PCDH9: variants seen among roughly 807,000 people sequenced by gnomAD.
The protein encoded by PCDH9 is protocadherin 9, also known as protocadherin-9.
In PCDH9, 24 loss-of-function variants were observed where a neutral mutation model predicts 70.6. The ratio of observed to expected loss-of-function variants is 0.34; its 90% CI spans 0.25 to 0.48. The LOEUF is 0.48. PCDH9 is among the 20% of genes least tolerant of loss of function. PCDH9 has a pLI of 0.99. For synonymous variants in PCDH9, 562 were observed against 558.5 expected, an observed-to-expected ratio of 1.01 and a Z score of -0.09; for missense variants, 1,281 against 1,503.6, an observed-to-expected ratio of 0.85 and a Z score of 2.45.
At chr13:67,161,354 T>C (rs1335545277) in intron 2 of PCDH9, among the ~76,000 whole-genome samples, 1 of 151,584 alleles carries the variant, frequency 6.6e-6, no homozygotes, top group Non-Finnish European at 1.5e-5. Flanking sequence ...CTCAGAAGAG[T>C]GTCGGGCAGT....
At chr13:66,908,183 C>T (rs1005713339) in intron 2 of PCDH9, among the ~76,000 whole-genome samples, 1 of 152,290 alleles carries the variant, frequency 6.6e-6, no homozygotes, top group Non-Finnish European at 1.5e-5. Flanking sequence ...GGCCCTGCTA[C>T]CATCACCTAT....
intron 4 of PCDH9, among the ~76,000 whole-genome samples, chr13:66,455,256 T>C (rs2138437975): frequency 6.6e-6 from 1 of 151,572 alleles, no homozygotes; most frequent in South Asian, 2.1e-4. Context: ...ACCATATATA[T>C]ATATTCCTTG....
intron 2 of PCDH9, among the ~76,000 whole-genome samples, chr13:67,148,489 T>G (rs997516718): frequency 3.3e-5 from 5 of 152,162 alleles, no homozygotes; most frequent in African/African-American, 1.2e-4. Context: ...TGTTTCTTGT[T>G]ATATGCAATA....
intron 3 of PCDH9, among the ~76,000 whole-genome samples, chr13:66,725,032 T>A (rs2078988097): frequency 6.6e-6 from 1 of 152,160 alleles, no homozygotes; most frequent in Non-Finnish European, 1.5e-5. Context: ...GCTGACTTCC[T>A]CCACAAAATT....
chr13:67,154,619 C>T (rs866005859), intron 2 of PCDH9, among the ~76,000 whole-genome samples: 14 of 112,180 alleles, frequency 1.2e-4, no homozygotes, highest in Admixed American at 6.5e-4. Flanking sequence ...CACACACACA[C>T]ACACACACAC....
At chr13:67,002,920 A>AT (rs1566355556) in intron 2 of PCDH9, among the ~76,000 whole-genome samples, 2 of 149,580 alleles carry the variant, frequency 1.3e-5, no homozygotes, top group Non-Finnish European at 1.5e-5. Flanking sequence ...TTTTTTTTTC[A>AT]TTTTCAGCCA....
chr13:66,463,450 A>G (rs991599920), intron 4 of PCDH9, among the ~76,000 whole-genome samples: 4 of 151,902 alleles, frequency 2.6e-5, no homozygotes, highest in African/African-American at 9.7e-5. Context: ...ACAAAACAAG[A>G]CAGAGCAAGA....
chr13:66,886,036 T>G (rs1174361771), intron 3 of PCDH9: 1 of 152,122 alleles, frequency 6.6e-6, no homozygotes, highest in Non-Finnish European at 1.5e-5. Context: ...TAACCATGGA[T>G]CGATTTTCAC....
At chr13:66,344,601 C>G (rs1248243188) in intron 4 of PCDH9, among the ~76,000 whole-genome samples, 3 of 152,086 alleles carry the variant, frequency 2.0e-5, no homozygotes, top group Non-Finnish European at 4.4e-5. Context: ...TTAACTAGGG[C>G]AATATGTTTC....
intron 4 of PCDH9, among the ~76,000 whole-genome samples, chr13:66,512,303 TAC>T (rs1555301537): frequency 1.4e-5 from 2 of 146,378 alleles, no homozygotes; most frequent in African/African-American, 5.0e-5. Context: ...TATATATATA[TAC>T]ACAATAAGAA....
chr13:66,717,612 TTAAA>T (rs2078888866), intron 3 of PCDH9, among the ~76,000 whole-genome samples: 1 of 151,466 alleles, frequency 6.6e-6, no homozygotes, highest in Non-Finnish European at 1.5e-5. Flanking sequence ...AATCTGCTCT[TTAAA>T]TGGCCCTAAT....
At chr13:67,219,039 C>T (rs2089668792) in intron 2 of PCDH9, 1 of 151,986 alleles carries the variant, frequency 6.6e-6, no homozygotes, top group African/African-American at 2.4e-5. Flanking sequence ...TATTTATATG[C>T]TATGCCTCAG....
chr13:66,740,839 G>T (rs1232373954), intron 3 of PCDH9, among the ~76,000 whole-genome samples: 3 of 144,698 alleles, frequency 2.1e-5, no homozygotes, highest in African/African-American at 7.6e-5. Flanking sequence ...TGAAATTGTG[G>T]CAATAATCAA....
At chr13:66,900,001 T>C (rs1417460859) in intron 3 of PCDH9, among the ~76,000 whole-genome samples, 1 of 152,006 alleles carries the variant, frequency 6.6e-6, no homozygotes, top group African/African-American at 2.4e-5. Context: ...CGAATTCTAA[T>C]GCTATCACTA....
At chr13:67,160,386 A>C (rs1031417636) in intron 2 of PCDH9, among the ~76,000 whole-genome samples, 2 of 152,014 alleles carry the variant, frequency 1.3e-5, no homozygotes, top group Non-Finnish European at 2.9e-5. Context: ...TCTACTAAAA[A>C]TACAAAAAAA....
At chr13:66,337,209 A>C (rs1956051152) in intron 4 of PCDH9, among the ~76,000 whole-genome samples, 1 of 152,088 alleles carries the variant, frequency 6.6e-6, no homozygotes, top group South Asian at 2.1e-4. Flanking sequence ...AAAATACTAA[A>C]AATAACATGA....
intron 4 of PCDH9, among the ~76,000 whole-genome samples, chr13:66,307,638 A>G (rs972606514): frequency 6.6e-6 from 1 of 152,090 alleles, no homozygotes; most frequent in African/African-American, 2.4e-5. Context: ...AGCGTCATTA[A>G]TAAGTTTTTT....
At chr13:67,171,071 C>A (rs2088271528) in intron 2 of PCDH9, among the ~76,000 whole-genome samples, 1 of 152,192 alleles carries the variant, frequency 6.6e-6, no homozygotes, top group South Asian at 2.1e-4. Flanking sequence ...GAAATGACTT[C>A]TATCTCCTAG....
rs74471299 is a variant in PCDH9 at position 66,729,290 on chromosome 13, A to G, written c.3139-97879T>C. 1.5e-4 allele frequency among the ~76,000 whole-genome samples: 23 copies of G among 152,264 alleles called. No individual in the cohort carries two copies. In the East Asian group the frequency reaches 3.7e-3, roughly 24 times the overall value. The stretch of plus-strand genomic sequence containing the variant: ...TTAATCCTCCATTTCTTTGAGGCTC[A>G]AAATTCATCATAAATTCCTCTTGGA... On this transcript the variant is annotated intron_variant, in intron 3 of 4. Coordinates refer to ENST00000377865, the MANE Select transcript of PCDH9 (RefSeq NM_203487.3).
Sources: allele counts gnomAD v4.1 joint callset (sites outside exome capture counted in the v4.1 genomes callset), GRCh38; gene constraint gnomAD v4.1.1; transcripts MANE v1.5; gene names NCBI Gene and HGNC (gene_info 2026-07-23, HGNC 2026-07-21).